Variants in OR8G5 observed in about 807,000 individuals in gnomAD.
OR8G5 encodes the protein olfactory receptor 8G5.
For missense variants in OR8G5, 347 were observed against 371.9 expected (o/e 0.93, Z 0.55); for synonymous variants, 147 against 147.7 (o/e 1.00, Z 0.03).
Position 124,264,994 on chromosome 11 carries a change from A to C in OR8G5, c.63A>C (p.Ser21=). The C allele has an allele frequency of 6.2e-7, 1 of 1,613,942 alleles. No homozygotes were observed. Among genetic ancestry groups the C allele is most frequent in the Non-Finnish European group, 8.5e-7 (1 of 1,179,860 alleles). Reference sequence around the variant, plus strand: ...TTCTGGTTGGGCTAACAGAGAAGTCAGAGCTACAGCTGCCCCTCTTCCTCG... The same window carrying C: ...TTCTGGTTGGGCTAACAGAGAAGTCCGAGCTACAGCTGCCCCTCTTCCTCG... ...KFILVGLTEK[S]ELQLPLFLVF... is the part of the protein sequence containing the mutation. Residue 21 remains serine, a synonymous_variant, in exon 2 of 2, where the codon TCA becomes TCC. Transcript: ENST00000641992.
chr11:124,262,126 AGAAAT>A (rs1317881362), intron 1 of OR8G5, among the ~76,000 whole-genome samples: 1 of 147,420 alleles, frequency 6.8e-6, no homozygotes, highest in African/African-American at 2.5e-5. Flanking sequence ...ATCATGCTAA[AGAAAT>A]GAATAAAAAT....
At chr11:124,260,266 C>T (rs1861956702) in intron 1 of OR8G5, among the ~76,000 whole-genome samples, 1 of 151,940 alleles carries the variant, frequency 6.6e-6, no homozygotes, top group Non-Finnish European at 1.5e-5. Context: ...ATGACTTTTG[C>T]AGCCGCTTGG....
chr11:124,265,813 T>C lies in OR8G5; in HGVS notation c.882T>C (p.Asn294=). ...MLNPLIYSLR[N]KDVHVALKKT... Reference sequence around the variant, plus strand: ...ACCCCCTGATCTACAGCCTGAGGAATAAAGATGTCCACGTTGCCCTGAAGA... The same window carrying C: ...ACCCCCTGATCTACAGCCTGAGGAACAAAGATGTCCACGTTGCCCTGAAGA... Residue 294 remains asparagine, a synonymous_variant, in exon 2 of 2, where the codon AAT becomes AAC. Transcript: ENST00000641992. The C allele has an allele frequency of 6.2e-7, 1 of 1,614,014 alleles. No homozygotes were observed. Among genetic ancestry groups the C allele is most frequent in the Non-Finnish European group, 8.5e-7 (1 of 1,179,980 alleles).
chr11:124,262,654 GT>G (rs1861983198), intron 1 of OR8G5, among the ~76,000 whole-genome samples: 2 of 139,680 alleles, frequency 1.4e-5, no homozygotes, highest in South Asian at 4.4e-4. Flanking sequence ...ATAGTATTCA[GT>G]TTTATATATA....
intron 1 of OR8G5, among the ~76,000 whole-genome samples, chr11:124,259,346 A>G (rs867996020): frequency 6.6e-6 from 1 of 152,202 alleles, no homozygotes; most frequent in Non-Finnish European, 1.5e-5. Context: ...TTCAGAAGCT[A>G]CTAAAAGATA....
intron 1 of OR8G5, among the ~76,000 whole-genome samples, chr11:124,258,573 A>G (rs1861934170): frequency 6.6e-6 from 1 of 151,142 alleles, no homozygotes; most frequent in Admixed American, 6.6e-5. Context: ...AAATAAATAA[A>G]TAAATAATAA....
At chr11:124,259,451 T>A (rs2512186) in intron 1 of OR8G5, among the ~76,000 whole-genome samples, 73,331 of 151,976 alleles carry the variant, frequency 0.48, 18,467 homozygotes, top group East Asian at 0.58. Flanking sequence ...TTGGAAGTTT[T>A]TAATGCTCAA....
chr11:124,261,489 A>C (rs970716527), intron 1 of OR8G5, among the ~76,000 whole-genome samples: 3 of 151,986 alleles, frequency 2.0e-5, no homozygotes, highest in Non-Finnish European at 2.9e-5. Flanking sequence ...TAAGCAAGAC[A>C]CATTACTAAA....
At chr11:124,262,073 G>A (rs1861976744) in intron 1 of OR8G5, among the ~76,000 whole-genome samples, 1 of 151,732 alleles carries the variant, frequency 6.6e-6, no homozygotes, top group South Asian at 2.1e-4. Context: ...AATGGAAGAT[G>A]TTGATTAAGG....
chr11:124,260,551 C>G (rs1390826950), intron 1 of OR8G5, among the ~76,000 whole-genome samples: 1 of 151,712 alleles, frequency 6.6e-6, no homozygotes, highest in Non-Finnish European at 1.5e-5. Flanking sequence ...TTAAACATAT[C>G]GATCATCTGT....
chr11:124,257,814 A>G (rs1448682664), intron 1 of OR8G5, among the ~76,000 whole-genome samples: 3 of 152,138 alleles, frequency 2.0e-5, no homozygotes, highest in Admixed American at 2.0e-4. Context: ...TACTTTGGGG[A>G]AGAGGATCTG....
chr11:124,264,801 G>T (rs766005028), intron 1 of OR8G5, 117 bp from the exon 2 acceptor site: 3 of 1,278,858 alleles, frequency 2.3e-6, no homozygotes, highest in South Asian at 1.3e-5. Context: ...GATAAATTAT[G>T]ATTCAGTTAA....
In OR8G5 at chr11:124,266,113, G is replaced by T; in HGVS notation, c.*246G>T. ...ATAAGATTGACATAGTGAAATAGTG[G>T]CATAACCTGATAATGCCAGTTACAT... On this transcript the variant is annotated 3_prime_UTR_variant, in exon 2 of 2. Coordinates refer to ENST00000641992, the MANE Select transcript of OR8G5 (RefSeq NM_001005198.2). 1 of 433,538 alleles carries T rather than the reference G, an allele frequency of 2.3e-6. No individual in the cohort carries two copies. Among genetic ancestry groups the T allele is most frequent in the Non-Finnish European group, 4.0e-6 (1 of 249,554 alleles). The allele number at this position is 433,538 out of a possible 1,614,324, so 26.9% of individuals were successfully genotyped here. A position where few individuals can be genotyped will look rare whatever the true frequency, so the allele number is the denominator to read the frequency against.
chr11:124,264,020 C>T (rs1862002111), intron 1 of OR8G5, among the ~76,000 whole-genome samples: 1 of 152,142 alleles, frequency 6.6e-6, no homozygotes, highest in Non-Finnish European at 1.5e-5. Context: ...ATTGCTGTTT[C>T]TGTACATTGA....
intron 1 of OR8G5, among the ~76,000 whole-genome samples, chr11:124,264,145 GT>G (rs67660578): frequency 0.48 from 73,240 of 151,866 alleles, 18,414 homozygotes; most frequent in East Asian, 0.58. Context: ...TTATTAATAG[GT>G]TAATAATGTT....
rs762194412 is a variant in OR8G5, at chr11:124,264,693, T to C, written c.-14-225T>C. ...TCATTGAAATATTCAAAATACAAAA[T>C]AGACACTCAAAGTTTTTAATTATTA... On this transcript the variant is annotated intron_variant, in intron 1 of 1. Coordinates refer to ENST00000641992, the MANE Select transcript of OR8G5 (RefSeq NM_001005198.2). The C allele has an allele frequency of 1.2e-4, 68 of 555,582 alleles. 1 individual carries two copies. The highest frequency in any genetic ancestry group is 1.9e-4 in the Non-Finnish European group (60 of 318,468). 34.4% of individuals were successfully genotyped at this position (555,582 alleles called of 1,614,324 possible). A position where few individuals can be genotyped will look rare whatever the true frequency, so the allele number is the denominator to read the frequency against.
At chr11:124,260,077 T>C (rs1861953995) in intron 1 of OR8G5, among the ~76,000 whole-genome samples, 1 of 152,074 alleles carries the variant, frequency 6.6e-6, no homozygotes, top group Non-Finnish European at 1.5e-5. Context: ...CCCTTTGATA[T>C]TGCACTGAGA....
chr11:124,257,134 A>G (rs1256478205), intron 1 of OR8G5, among the ~76,000 whole-genome samples: 3 of 146,504 alleles, frequency 2.0e-5, no homozygotes, highest in Non-Finnish European at 4.5e-5. Flanking sequence ...AGGAAGATAC[A>G]AGACCTAAGA....
At position 124,265,532 on chromosome 11, in the gene OR8G5, A is replaced by G. The variant is rs763666123; in HGVS notation, c.601A>G (p.Ile201Val). 5.0e-6 allele frequency: 8 copies of G among 1,613,866 alleles called. No homozygotes were observed. In the East Asian group the frequency reaches 1.8e-4, roughly 36 times the overall value. Reference protein sequence around the residue: ...STYINELLILIFSGINILVPS... With the variant: ...STYINELLILVFSGINILVPS... ...TTACATTAATGAGTTACTGATTTTA[A>G]TCTTTAGTGGAATTAACATCCTTGT... is the stretch of plus-strand genomic sequence containing the variant. Residue 201 changes from isoleucine to valine, a missense_variant, in exon 2 of 2, where the codon ATC becomes GTC. Ile to Val is a conservative substitution (Grantham distance 29, BLOSUM62 3). Coordinates refer to ENST00000641992, the MANE Select transcript of OR8G5 (RefSeq NM_001005198.2).
Sources: allele counts gnomAD v4.1 joint callset (sites outside exome capture counted in the v4.1 genomes callset), GRCh38; gene constraint gnomAD v4.1.1; transcripts MANE v1.5; gene names NCBI Gene and HGNC (gene_info 2026-07-23, HGNC 2026-07-21).